DYNC1I1: variants seen among roughly 807,000 people sequenced by gnomAD.
DYNC1I1 encodes the protein cytoplasmic dynein 1 intermediate chain 1.
Under a neutral mutation model 86.6 loss-of-function variants are expected in DYNC1I1, and 43 were observed. The ratio of observed to expected loss-of-function variants is 0.50; its 90% CI spans 0.39 to 0.64. The LOEUF (loss-of-function observed/expected upper bound fraction) is 0.64. Among genes scored for constraint, DYNC1I1 ranks in the 30% least tolerant of loss-of-function variants. The pLI is 0.00. For missense variants in DYNC1I1, 604 were observed against 788.8 expected (o/e 0.77, Z 2.81); for synonymous variants, 262 against 283.7 (o/e 0.92, Z 0.77).
chr7:96,025,670 G>A (rs1049778274), intron 10 of DYNC1I1, among the ~76,000 whole-genome samples: 2 of 152,108 alleles, frequency 1.3e-5, no homozygotes, highest in African/African-American at 4.8e-5. Context: ...AGTGTTGGAT[G>A]AATGAATGAA....
At chr7:96,102,557 A>T (rs1007179017), downstream of DYNC1I1, among the ~76,000 whole-genome samples, 1 of 152,168 alleles carries the variant, frequency 6.6e-6, no homozygotes, top group Non-Finnish European at 1.5e-5. Flanking sequence ...TTGGTTTTTG[A>T]AGTTAACATA....
At chr7:95,850,492 C>CCT (rs1295661279) in intron 5 of DYNC1I1, among the ~76,000 whole-genome samples, 3 of 151,802 alleles carry the variant, frequency 2.0e-5, no homozygotes, top group Non-Finnish European at 4.4e-5. Flanking sequence ...TTATAGTAGT[C>CCT]CTCTCTTCTA....
downstream of DYNC1I1, among the ~76,000 whole-genome samples, chr7:96,103,321 TTAG>T (rs1275735609): frequency 6.6e-6 from 1 of 152,140 alleles, no homozygotes; most frequent in African/African-American, 2.4e-5. Context: ...GACAGAGCTG[TTAG>T]TTGAGCACCC....
At position 95,832,786 on chromosome 7, in the gene DYNC1I1, C is replaced by T. The variant is rs1788948959; in HGVS notation, c.374+4670C>T. ...TGTCTTCTTTTGAGAAGTGTCTGTTCATGTCCTTTGCCCACTTTTTGATGG... is the reference window on the plus strand; with the variant it reads ...TGTCTTCTTTTGAGAAGTGTCTGTTTATGTCCTTTGCCCACTTTTTGATGG... On this transcript the variant is annotated intron_variant, in intron 5 of 16. Transcript: ENST00000447467. Among the ~76,000 whole-genome samples, 5 of 152,238 alleles carry T rather than the reference C, an allele frequency of 3.3e-5. No individual in the cohort carries two copies. The South Asian group carries it at 1.0e-3, about 32-fold the overall frequency.
intron 14 of DYNC1I1, among the ~76,000 whole-genome samples, chr7:96,058,180 C>T (rs560730580): frequency 1.8e-4 from 27 of 152,304 alleles, no homozygotes; most frequent in African/African-American, 6.3e-4. Context: ...TCTCTATCCT[C>T]GTAGTCAAAA....
chr7:95,894,354 A>G (rs1790821338), intron 6 of DYNC1I1, among the ~76,000 whole-genome samples: 1 of 151,876 alleles, frequency 6.6e-6, no homozygotes, highest in African/African-American at 2.4e-5. Context: ...GGGGCAAGGG[A>G]TCTCTCTAGG....
intron 6 of DYNC1I1, among the ~76,000 whole-genome samples, chr7:95,914,600 C>T (rs1289330654): frequency 1.3e-5 from 2 of 152,112 alleles, no homozygotes; most frequent in African/African-American, 4.8e-5. Context: ...AATAATTATC[C>T]CTTTGAAAAT....
intron 14 of DYNC1I1, among the ~76,000 whole-genome samples, chr7:96,059,324 A>G (rs78033128): frequency 1.3e-5 from 2 of 152,008 alleles, no homozygotes; most frequent in South Asian, 4.1e-4. Flanking sequence ...AAAAAAAAAA[A>G]TGCAAAAACC....
chr7:96,028,972 G>C (rs1473255117), intron 11 of DYNC1I1, among the ~76,000 whole-genome samples: 1 of 152,164 alleles, frequency 6.6e-6, no homozygotes, highest in African/African-American at 2.4e-5. Flanking sequence ...GAAGACAGGC[G>C]TGTCTCCATC....
Position 96,062,682 on chromosome 7 carries a change from G to A in DYNC1I1, c.1510-13375G>A, listed in dbSNP as rs535809785. On this transcript the variant is annotated intron_variant, in intron 14 of 16. Coordinates refer to ENST00000447467, the MANE Select transcript of DYNC1I1 (RefSeq NM_001135556.2). ...TTCTTCAAAATTTTTCCAACCTCAG[G>A]AACCTATTCAACAGTAATTAGCCTT... 2.0e-5 allele frequency among the ~76,000 whole-genome samples: 3 copies of A among 152,018 alleles called. No homozygotes were observed. In the South Asian group the frequency reaches 6.2e-4, roughly 32 times the overall value.
At chr7:95,789,116 C>T (rs1219011283) in intron 1 of DYNC1I1, among the ~76,000 whole-genome samples, 1 of 152,118 alleles carries the variant, frequency 6.6e-6, no homozygotes, top group East Asian at 1.9e-4. Context: ...AGGGTTTAAG[C>T]CTTTTAGAAC....
At chr7:95,813,111 TATCCCATCTCAA>T in intron 3 of DYNC1I1, 124 bp from the exon 4 acceptor site, 3 of 1,427,798 alleles carry the variant, frequency 2.1e-6, no homozygotes, top group Non-Finnish European at 2.8e-6. Context: ...TTTTTTTCTT[TATCCCATCTCAA>T]TGTCTCCTGG....
chr7:95,790,165 G>T (rs1794256703), intron 1 of DYNC1I1, among the ~76,000 whole-genome samples: 1 of 152,176 alleles, frequency 6.6e-6, no homozygotes, highest in Admixed American at 6.5e-5. Flanking sequence ...TTTGGCTATA[G>T]GGTGACCAAT....
rs562436441 is a variant in DYNC1I1 at position 96,093,532 on chromosome 7, T to C, written c.1777-3951T>C. Among the ~76,000 whole-genome samples the C allele has an allele frequency of 4.6e-5, 7 of 152,340 alleles. No homozygotes were observed. In the East Asian group the frequency reaches 1.4e-3, roughly 29 times the overall value. ...AGTTAAGATTTTATTATCTCAGGAA[T>C]CTGAGCCTCAAGTACTTTTGGCATG... On this transcript the variant is annotated intron_variant, in intron 16 of 16. Coordinates refer to ENST00000447467, the MANE Select transcript of DYNC1I1 (RefSeq NM_001135556.2).
At chr7:96,005,675 G>A (rs746315824) in intron 10 of DYNC1I1, among the ~76,000 whole-genome samples, 4 of 152,020 alleles carry the variant, frequency 2.6e-5, no homozygotes, top group Non-Finnish European at 4.4e-5. Flanking sequence ...GTATATTATC[G>A]TGTATCCTAC....
chr7:95,801,371 T>C (rs1375850783), intron 1 of DYNC1I1, among the ~76,000 whole-genome samples: 1 of 152,214 alleles, frequency 6.6e-6, no homozygotes, highest in South Asian at 2.1e-4. Flanking sequence ...TTTGAAGAAA[T>C]TTTCTGAGAA....
chr7:95,777,243 G>GT (rs1207802192), intron 1 of DYNC1I1, among the ~76,000 whole-genome samples: 1 of 152,144 alleles, frequency 6.6e-6, no homozygotes, highest in Non-Finnish European at 1.5e-5. Context: ...TTAACTTAAG[G>GT]TGAGTTGAAA....
At chr7:95,920,252 C>T (rs1475964376) in intron 6 of DYNC1I1, among the ~76,000 whole-genome samples, 1 of 152,166 alleles carries the variant, frequency 6.6e-6, no homozygotes, top group African/African-American at 2.4e-5. Flanking sequence ...CTTCCTCCCC[C>T]ACACCCACAA....
intron 15 of DYNC1I1, among the ~76,000 whole-genome samples, chr7:96,079,965 T>TC (rs1371445117): frequency 6.6e-6 from 1 of 152,174 alleles, no homozygotes; most frequent in East Asian, 1.9e-4. Context: ...CTTTTTAGTA[T>TC]CCTTAATCTT....
Sources: gnomAD v4.1 joint callset for allele counts (sites outside exome capture counted in the v4.1 genomes callset) on GRCh38, gnomAD v4.1.1 for gene constraint, MANE v1.5 for transcripts, NCBI Gene and HGNC (gene_info 2026-07-23, HGNC 2026-07-21) for gene names.